The following ADAM22 variants were observed in gnomAD, a reference collection of about 807,000 sequenced individuals.
ADAM22 encodes the protein disintegrin and metalloproteinase domain-containing protein 22.
In ADAM22, 65 loss-of-function variants were observed where a neutral mutation model predicts 144.6. That is an observed-to-expected ratio of 0.45 (90% CI 0.37 to 0.55). ADAM22 has a LOEUF of 0.55. Among genes scored for constraint, ADAM22 ranks in the 20% least tolerant of loss-of-function variants. ADAM22 has a pLI of 0.00. For synonymous variants in ADAM22, 391 were observed against 412.6 expected (o/e 0.95, Z 0.63); for missense variants, 974 against 1,184.9 (o/e 0.82, Z 2.61).
intron 4 of ADAM22, among the ~76,000 whole-genome samples, chr7:88,096,851 A>G (rs954633996): frequency 6.6e-6 from 1 of 152,170 alleles, no homozygotes; most frequent in Non-Finnish European, 1.5e-5. Flanking sequence ...TTATTCTCAT[A>G]GAAACACTTG....
intron 20 of ADAM22, among the ~76,000 whole-genome samples, chr7:88,152,334 C>G (rs973862669): frequency 2.0e-5 from 3 of 152,128 alleles, no homozygotes; most frequent in Non-Finnish European, 4.4e-5. Context: ...ACTCTATCAA[C>G]TGTCCCTGGT....
intron 2 of ADAM22, among the ~76,000 whole-genome samples, chr7:87,962,067 G>A (rs1056226734): frequency 1.3e-5 from 2 of 152,164 alleles, no homozygotes; most frequent in East Asian, 3.8e-4. Flanking sequence ...ACAAATGTCA[G>A]ATGAATATAA....
chr7:87,985,791 G>A (rs138859045), intron 3 of ADAM22, among the ~76,000 whole-genome samples: 18 of 152,136 alleles, frequency 1.2e-4, no homozygotes, highest in African/African-American at 2.7e-4. Flanking sequence ...TAGTCTTTGC[G>A]TGCCTATATG....
chr7:88,010,013 A>G (rs751012291), intron 3 of ADAM22, among the ~76,000 whole-genome samples: 2 of 147,534 alleles, frequency 1.4e-5, no homozygotes, highest in Admixed American at 1.4e-4. Context: ...CCAACCCGTT[A>G]TGGTTGAATT....
chr7:87,960,856 G>A (rs957952037), intron 2 of ADAM22, among the ~76,000 whole-genome samples: 3 of 152,144 alleles, frequency 2.0e-5, no homozygotes, highest in Admixed American at 6.5e-5. Context: ...TTTGTGAACT[G>A]ACATCCTTTT....
chr7:88,133,252 A>C (rs1046353273), intron 12 of ADAM22, among the ~76,000 whole-genome samples: 1 of 151,924 alleles, frequency 6.6e-6, no homozygotes, highest in Admixed American at 6.6e-5. Flanking sequence ...AGCCCCAGCT[A>C]CTGGGGAGGC....
At chr7:87,988,434 T>A (rs1246974564) in intron 3 of ADAM22, among the ~76,000 whole-genome samples, 2 of 152,178 alleles carry the variant, frequency 1.3e-5, no homozygotes, top group Non-Finnish European at 2.9e-5. Flanking sequence ...TTTCATTCAT[T>A]TAGCACACCC....
At chr7:88,114,720 ATCTCTACTTT>A in intron 6 of ADAM22, 73 bp downstream of exon 6, 6 of 1,361,698 alleles carry the variant, frequency 4.4e-6, no homozygotes, top group Admixed American at 4.1e-5. Flanking sequence ...TCCTTTTTTT[ATCTCTACTTT>A]ATTTCATTTT....
chr7:88,023,845 AC>A (rs1798384304), intron 3 of ADAM22, among the ~76,000 whole-genome samples: 1 of 146,524 alleles, frequency 6.8e-6, no homozygotes. Context: ...CCCTCCTGTT[AC>A]CCCTCCCAGC....
chr7:88,183,921 T>C (rs1043377628), intron 29 of ADAM22, among the ~76,000 whole-genome samples: 1 of 151,908 alleles, frequency 6.6e-6, no homozygotes, highest in Non-Finnish European at 1.5e-5. Context: ...GAATTATGTT[T>C]GCAAACTTTT....
intron 26 of ADAM22, among the ~76,000 whole-genome samples, chr7:88,173,866 G>A (rs1844964716): frequency 6.6e-6 from 1 of 152,068 alleles, no homozygotes; most frequent in Non-Finnish European, 1.5e-5. Flanking sequence ...ATGTGGTCTT[G>A]GAAGACTGTA....
At chr7:88,040,810 T>C (rs906199377) in intron 3 of ADAM22, among the ~76,000 whole-genome samples, 1 of 151,970 alleles carries the variant, frequency 6.6e-6, no homozygotes, top group Non-Finnish European at 1.5e-5. Context: ...AGGTGTTGGC[T>C]TACATCTGAG....
chr7:88,004,418 A>C (rs988954027), intron 3 of ADAM22, among the ~76,000 whole-genome samples: 1 of 152,234 alleles, frequency 6.6e-6, no homozygotes, highest in Non-Finnish European at 1.5e-5. Context: ...TGGCTTTGCC[A>C]AATGTAACTC....
At chr7:88,083,012 C>T (rs1279660015) in intron 4 of ADAM22, among the ~76,000 whole-genome samples, 1 of 152,178 alleles carries the variant, frequency 6.6e-6, no homozygotes, top group Non-Finnish European at 1.5e-5. Flanking sequence ...GATTATAAAT[C>T]ATGCTGCTAT....
intron 11 of ADAM22, chr7:88,132,422 C>A (rs1331091608): frequency 6.5e-6 from 1 of 152,798 alleles, no homozygotes; most frequent in African/African-American, 2.4e-5. Context: ...ATTTAATCAT[C>A]ATGTCTCTTT....
rs1377603965 is a variant in ADAM22 at position 88,075,622 on chromosome 7, G to A, written c.324-4G>A. On this transcript the variant is annotated splice_polypyrimidine_tract_variant and splice_region_variant and intron_variant, in intron 3 of 31. Transcript: ENST00000413139. ...TTAGTCATCATTTATTTTTGTTGTT[G>A]CAGTGATTTGCTGTCCTCTGAATAC... 6.2e-7 allele frequency: 1 copy of A among 1,612,968 alleles called. No individual in the cohort carries two copies. Among genetic ancestry groups the A allele is most frequent in the South Asian group, 1.1e-5 (1 of 91,002 alleles).
intron 3 of ADAM22, among the ~76,000 whole-genome samples, chr7:88,073,107 A>G (rs1654637846): frequency 6.6e-6 from 1 of 152,220 alleles, no homozygotes; most frequent in Non-Finnish European, 1.5e-5. Flanking sequence ...CATGATGGTC[A>G]AGGAAGGCCT....
intron 4 of ADAM22, among the ~76,000 whole-genome samples, chr7:88,076,452 G>T (rs1814522313): frequency 6.6e-6 from 1 of 152,090 alleles, no homozygotes; most frequent in Non-Finnish European, 1.5e-5. Flanking sequence ...GAAAACTTGG[G>T]TCCAGGGTAG....
intron 2 of ADAM22, among the ~76,000 whole-genome samples, chr7:87,972,935 A>C (rs1472559807): frequency 6.6e-6 from 1 of 152,204 alleles, no homozygotes; most frequent in East Asian, 1.9e-4. Flanking sequence ...CTTATACAAA[A>C]ATTAATTCAA....
Sources: allele counts gnomAD v4.1 joint callset (sites outside exome capture counted in the v4.1 genomes callset), GRCh38; gene constraint gnomAD v4.1.1; transcripts MANE v1.5; gene names NCBI Gene and HGNC (gene_info 2026-07-23, HGNC 2026-07-21).